SH2B3: variants seen among roughly 807,000 people sequenced by gnomAD.
SH2B3 encodes SH2B adaptor protein 3, also known as SH2B adapter protein 3.
Under a neutral mutation model 51.9 loss-of-function variants are expected in SH2B3, and 43 were observed. That is an observed-to-expected ratio of 0.83 (90% CI 0.65 to 1.07). SH2B3 has a LOEUF of 1.07. Ranked by LOEUF, SH2B3 falls within the 50% of genes least tolerant of loss-of-function variation. SH2B3 has a pLI of 0.00. For synonymous variants in SH2B3, 396 were observed against 376.0 expected (o/e 1.05, Z -0.62); for missense variants, 952 against 834.3 (o/e 1.14, Z -1.74).
chr12:111,431,397 T>C (rs1872483600), intron 2 of SH2B3, among the ~76,000 whole-genome samples: 2 of 152,134 alleles, frequency 1.3e-5, no homozygotes, highest in South Asian at 4.1e-4. Context: ...TAGGAAACTG[T>C]CTTTAACTTG....
chr12:111,418,582 T>G lies in SH2B3; in HGVS notation c.437T>G (p.Phe146Cys). Residue 146 changes from phenylalanine (F) to cysteine (C), a missense_variant, in exon 2 of 8, where the codon TTC becomes TGC. Transcript: ENST00000341259. The surrounding 1 kb of genome is among the most constrained non-coding windows in gnomAD (Gnocchi z 6.7). ...QHFRRSLRHI[F>C]RRRSAGELPA... ...TTTCGCCGCAGCCTCCGCCACATCTTCCGCCGCCGCTCGGCCGGGGAGCTG... is the reference window on the plus strand; with the variant it reads ...TTTCGCCGCAGCCTCCGCCACATCTGCCGCCGCCGCTCGGCCGGGGAGCTG... 6.7e-7 allele frequency: 1 copy of G among 1,484,590 alleles called. No homozygotes were observed. Among genetic ancestry groups the G allele is most frequent in the Non-Finnish European group, 8.9e-7 (1 of 1,124,538 alleles). 92.0% of individuals were successfully genotyped at this position (1,484,590 alleles called of 1,614,324 possible).
chr12:111,430,354 C>T (rs147646401), intron 2 of SH2B3, among the ~76,000 whole-genome samples: 46 of 152,282 alleles, frequency 3.0e-4, no homozygotes, highest in African/African-American at 1.0e-3. Flanking sequence ...GGTATCGGGG[C>T]GCTTCCTTTC....
At position 111,446,971 on chromosome 12, in the gene SH2B3, G is replaced by A. The variant is rs147507998; in HGVS notation, c.864G>A (p.Glu288=). 1.4e-5 allele frequency: 22 copies of A among 1,614,022 alleles called. No individual in the cohort carries two copies. Among genetic ancestry groups the A allele is most frequent in the African/African-American group, 1.3e-4 (10 of 74,918 alleles). ...KVKDRTDIIF[E]VGDEQQLNSW... is the part of the protein sequence containing the mutation. ...AGGACCGGACAGACATCATCTTTGA[G>A]GTGGGAGACGAGCAGCAGCTGAATT... is the stretch of plus-strand genomic sequence containing the variant. Residue 288 remains glutamate (E), a synonymous_variant, in exon 4 of 8, where the codon GAG becomes GAA. Coordinates refer to ENST00000341259, the MANE Select transcript of SH2B3 (RefSeq NM_005475.3).
intron 2 of SH2B3, among the ~76,000 whole-genome samples, chr12:111,439,610 GCT>G (rs1565984248): frequency 6.6e-6 from 1 of 151,388 alleles, no homozygotes; most frequent in East Asian, 2.0e-4. Context: ...ATGAGATTTT[GCT>G]CTGTTGTCGA....
At chr12:111,423,848 C>T (rs1357028814) in intron 2 of SH2B3, among the ~76,000 whole-genome samples, 1 of 152,228 alleles carries the variant, frequency 6.6e-6, no homozygotes, top group Non-Finnish European at 1.5e-5. Flanking sequence ...GCGTGTGGCT[C>T]ATGCCTATAA....
At chr12:111,405,374 C>G (rs941568015), upstream of SH2B3, among the ~76,000 whole-genome samples, 1 of 148,916 alleles carries the variant, frequency 6.7e-6, no homozygotes, top group Non-Finnish European at 1.5e-5. This position sits in a 1 kb window ranked among gnomAD's most constrained non-coding sequence, Gnocchi z 5.4. Context: ...CAGGGTCGGG[C>G]AGGGCTGGGC....
At chr12:111,415,160 C>G (rs558716102) in intron 1 of SH2B3, among the ~76,000 whole-genome samples, 1 of 152,352 alleles carries the variant, frequency 6.6e-6, no homozygotes, top group South Asian at 2.1e-4. Context: ...GCAGCCACTA[C>G]CCCTGCCCAG....
intron 2 of SH2B3, among the ~76,000 whole-genome samples, chr12:111,433,345 T>C (rs1295670231): frequency 6.6e-6 from 1 of 152,092 alleles, no homozygotes; most frequent in Non-Finnish European, 1.5e-5. Context: ...AGAGAGACTC[T>C]GACTCAGAAA....
At chr12:111,434,540 C>T (rs1872703114) in intron 2 of SH2B3, among the ~76,000 whole-genome samples, 1 of 152,208 alleles carries the variant, frequency 6.6e-6, no homozygotes, top group South Asian at 2.1e-4. Context: ...TCCGATTTGA[C>T]TTTTCAATTT....
chr12:111,445,389 C>T (rs985714758), intron 2 of SH2B3, among the ~76,000 whole-genome samples: 1 of 152,172 alleles, frequency 6.6e-6, no homozygotes, highest in Non-Finnish European at 1.5e-5. Flanking sequence ...GCGCAGAGGC[C>T]CCACTCCCTG....
At chr12:111,408,068 A>C (rs1276774855) in intron 1 of SH2B3, among the ~76,000 whole-genome samples, 1 of 151,922 alleles carries the variant, frequency 6.6e-6, no homozygotes, top group Admixed American at 6.6e-5. Context: ...CATTAGTGTT[A>C]CTGTTATTGG....
Position 111,418,090 on chromosome 12 carries a change from T to G in SH2B3, c.-27-29T>G. On this transcript the variant is annotated intron_variant, in intron 1 of 7. Coordinates refer to ENST00000341259, the MANE Select transcript of SH2B3 (RefSeq NM_005475.3). The surrounding 1 kb of genome is among the most constrained non-coding windows in gnomAD (Gnocchi z 6.7). ...CCTGCTTGCCCACCTGCTTACTCCT[T>G]GTCGCCCCCCCACCCACGTGTCTTT... 3 of 1,468,132 alleles carry G rather than the reference T, an allele frequency of 2.0e-6. No individual in the cohort carries two copies. Among genetic ancestry groups the G allele is most frequent in the Non-Finnish European group, 2.7e-6 (3 of 1,119,958 alleles). The allele number at this position is 1,468,132 out of a possible 1,614,324, so 90.9% of individuals were successfully genotyped here. A position where few individuals can be genotyped will look rare whatever the true frequency, so the allele number is the denominator to read the frequency against.
rs531923921 is a variant in SH2B3 at position 111,437,685 on chromosome 12, G to A, written c.733-9068G>A. 3.3e-5 allele frequency among the ~76,000 whole-genome samples: 5 copies of A among 152,336 alleles called. No individual in the cohort carries two copies. In the East Asian group the frequency reaches 9.7e-4, roughly 29 times the overall value. Reference sequence around the variant, plus strand: ...GGGGGGCATAGCAGAGAAGCGCCCTGTGGCCTGTAGTTCCCACACTGATTC... The same window carrying A: ...GGGGGGCATAGCAGAGAAGCGCCCTATGGCCTGTAGTTCCCACACTGATTC... On this transcript the variant is annotated intron_variant, in intron 2 of 7. Transcript: ENST00000341259.
chr12:111,412,593 A>T (rs1870788253), intron 1 of SH2B3, among the ~76,000 whole-genome samples: 1 of 152,138 alleles, frequency 6.6e-6, no homozygotes, highest in South Asian at 2.1e-4. Context: ...TTATAGAGAT[A>T]TGGTCTGCTT....
chr12:111,425,259 G>T (rs1203603350), intron 2 of SH2B3, among the ~76,000 whole-genome samples: 1 of 152,178 alleles, frequency 6.6e-6, no homozygotes, highest in Non-Finnish European at 1.5e-5. Context: ...AGGGGTGGGG[G>T]TGTGGGTGGA....
intron 2 of SH2B3, among the ~76,000 whole-genome samples, chr12:111,445,778 C>T (rs1251834013): frequency 6.6e-6 from 1 of 152,250 alleles, no homozygotes; most frequent in Non-Finnish European, 1.5e-5. Context: ...GGCCAGGCCA[C>T]TGGGTCATGA....
chr12:111,418,979 G>A lies in SH2B3; in HGVS notation c.732+102G>A, dbSNP rs1315819748. 3.5e-6 allele frequency: 4 copies of A among 1,159,306 alleles called. No homozygotes were observed. The highest frequency in any genetic ancestry group is 4.5e-6 in the Non-Finnish European group (4 of 890,148). The allele number at this position is 1,159,306 out of a possible 1,614,324, so 71.8% of individuals were successfully genotyped here. A position where few individuals can be genotyped will look rare whatever the true frequency, so the allele number is the denominator to read the frequency against. The stretch of plus-strand genomic sequence containing the variant: ...GAGGTGTGATGGCTTTCCAGCTGGT[G>A]GCCACAGAGTGTCCAGAGGGAACTA... On this transcript the variant is annotated intron_variant, in intron 2 of 7. Transcript: ENST00000341259. The surrounding 1 kb of genome is among the most constrained non-coding windows in gnomAD (Gnocchi z 6.7).
chr12:111,436,341 T>C (rs534237282), intron 2 of SH2B3, among the ~76,000 whole-genome samples: 1 of 152,278 alleles, frequency 6.6e-6, no homozygotes, highest in Admixed American at 6.5e-5. Context: ...TTCCTGTCCA[T>C]GTTTTGGGAT....
chr12:111,418,962 A>T lies in SH2B3; in HGVS notation c.732+85A>T. On this transcript the variant is annotated intron_variant, in intron 2 of 7. Transcript: ENST00000341259. This position sits in a 1 kb window ranked among gnomAD's most constrained non-coding sequence, Gnocchi z 6.7. ...GGAGAGCGCGGGCTGGGGAGGTGTG[A>T]TGGCTTTCCAGCTGGTGGCCACAGA... 3 of 1,255,372 alleles carry T rather than the reference A, an allele frequency of 2.4e-6. No homozygotes were observed. Among genetic ancestry groups the T allele is most frequent in the Non-Finnish European group, 3.1e-6 (3 of 976,918 alleles). The allele number at this position is 1,255,372 out of a possible 1,614,324, so 77.8% of individuals were successfully genotyped here.
Sources: gnomAD v4.1 joint callset for allele counts (sites outside exome capture counted in the v4.1 genomes callset) on GRCh38, gnomAD v4.1.1 for gene constraint, Gnocchi (gnomAD v3.1) non-coding constraint, MANE v1.5 for transcripts, NCBI Gene and HGNC (gene_info 2026-07-23, HGNC 2026-07-21) for gene names.